SCAI: variants seen among roughly 807,000 people sequenced by gnomAD.
SCAI encodes the protein protein SCAI.
SCAI carries 24 observed loss-of-function variants against 92.2 expected under a neutral mutation model. The ratio of observed to expected loss-of-function variants is 0.26; its 90% confidence interval spans 0.19 to 0.37. The LOEUF (loss-of-function observed/expected upper bound fraction) is 0.37, where lower values mean the gene tolerates loss of function less well. Among genes scored for constraint, SCAI ranks in the 10% least tolerant of loss-of-function variants. The pLI is 1.00. For synonymous variants in SCAI, 261 were observed against 258.6 expected, an observed-to-expected ratio of 1.01 and a Z score of -0.09; for missense variants, 450 against 736.2, an observed-to-expected ratio of 0.61 and a Z score of 4.50.
chr9:125,115,646 C>G (rs1460034863), intron 2 of SCAI, among the ~76,000 whole-genome samples: 1 of 151,946 alleles, frequency 6.6e-6, no homozygotes, highest in Non-Finnish European at 1.5e-5. Context: ...TAAAATTTAA[C>G]AAATCTGAAA....
intron 14 of SCAI, among the ~76,000 whole-genome samples, chr9:124,983,974 A>C (rs1831938557): frequency 6.6e-6 from 1 of 152,258 alleles, no homozygotes; most frequent in Non-Finnish European, 1.5e-5. Context: ...AGAACAGTGC[A>C]TATTGCTAGT....
chr9:125,066,665 G>A (rs1439467156), intron 2 of SCAI, among the ~76,000 whole-genome samples: 2 of 152,060 alleles, frequency 1.3e-5, no homozygotes, highest in Non-Finnish European at 2.9e-5. Flanking sequence ...CTGTTAGCCA[G>A]GATGGTCTCG....
At chr9:125,035,707 T>C (rs1050536818) in intron 3 of SCAI, among the ~76,000 whole-genome samples, 1 of 152,182 alleles carries the variant, frequency 6.6e-6, no homozygotes, top group Non-Finnish European at 1.5e-5. Context: ...GATAATACTA[T>C]CATCTATGAT....
Position 124,970,643 on chromosome 9 carries a change from A to C in SCAI, c.1674+727T>G, listed in dbSNP as rs145252082. Among the ~76,000 whole-genome samples, 45 of 152,058 alleles carry C rather than the reference A, an allele frequency of 3.0e-4. 3 individuals are homozygous for C. In the East Asian group the frequency reaches 8.6e-3, roughly 29 times the overall value. Reference sequence around the variant, plus strand: ...GAGTCTGAGCCAGGAGAATCACTTGAACCCAGGAGGCAGAGGTTGCAGTGA... The same window carrying C: ...GAGTCTGAGCCAGGAGAATCACTTGCACCCAGGAGGCAGAGGTTGCAGTGA... On this transcript the variant is annotated intron_variant, in intron 17 of 17. Transcript: ENST00000336505.
At chr9:125,088,173 A>T (rs1310977998) in intron 2 of SCAI, among the ~76,000 whole-genome samples, 1 of 152,004 alleles carries the variant, frequency 6.6e-6, no homozygotes, top group Non-Finnish European at 1.5e-5. Flanking sequence ...ACAGTTCATG[A>T]CAGCCTCAAA....
chr9:124,987,887 C>A (rs537369478), intron 14 of SCAI, among the ~76,000 whole-genome samples: 11 of 151,854 alleles, frequency 7.2e-5, no homozygotes, highest in Admixed American at 5.9e-4. Context: ...CGCTTGAACC[C>A]GGGAGGCAGA....
intron 2 of SCAI, among the ~76,000 whole-genome samples, chr9:125,084,643 G>A (rs1273418274): frequency 1.3e-5 from 2 of 152,126 alleles, no homozygotes; most frequent in African/African-American, 2.4e-5. Context: ...TTTGCACAAA[G>A]GAACCATATA....
intron 9 of SCAI, among the ~76,000 whole-genome samples, chr9:125,017,024 TAGG>T (rs916354987): frequency 5.9e-5 from 9 of 151,536 alleles, no homozygotes; most frequent in Non-Finnish European, 1.2e-4. Flanking sequence ...AAGACAAGAG[TAGG>T]AGAAGATAGT....
chr9:125,035,249 A>G (rs1833168290), intron 3 of SCAI, among the ~76,000 whole-genome samples: 1 of 152,082 alleles, frequency 6.6e-6, no homozygotes, highest in African/African-American at 2.4e-5. Flanking sequence ...CCAGCTACTC[A>G]GAGTCTGAGG....
chr9:125,106,122 AATATATATATATATATATATATAT>A (rs1206665762), intron 2 of SCAI, among the ~76,000 whole-genome samples: 1 of 8,858 alleles, frequency 1.1e-4, no homozygotes, highest in Non-Finnish European at 2.7e-4. Flanking sequence ...AAAAAAAAAA[AATATATATATATATATATATATAT>A]ATATATATAG....
intron 17 of SCAI, among the ~76,000 whole-genome samples, chr9:124,959,700 A>G (rs1481177551): frequency 3.0e-5 from 1 of 33,680 alleles, no homozygotes; most frequent in African/African-American, 1.2e-4. Context: ...CCCACCCCAC[A>G]ATAGGCCCCG....
intron 2 of SCAI, among the ~76,000 whole-genome samples, chr9:125,106,116 AAAAAAAATATATATATATATATAT>A (rs1834778791): frequency 2.7e-5 from 1 of 37,482 alleles, no homozygotes; most frequent in Non-Finnish European, 5.7e-5. Context: ...AAAAAAAAAA[AAAAAAAATATATATATATATATAT>A]ATATATATAT....
At chr9:125,128,392 G>T (rs902225669) in intron 2 of SCAI, among the ~76,000 whole-genome samples, 1 of 152,030 alleles carries the variant, frequency 6.6e-6, no homozygotes, top group African/African-American at 2.4e-5. Context: ...AGCTGAGGCA[G>T]GTGGATCACC....
At chr9:125,013,265 A>G (rs1832676110) in intron 9 of SCAI, among the ~76,000 whole-genome samples, 1 of 152,116 alleles carries the variant, frequency 6.6e-6, no homozygotes, top group South Asian at 2.1e-4. Flanking sequence ...AGGATCAACA[A>G]AATTGATAGA....
At chr9:124,974,145 T>C (rs1345878966) in intron 15 of SCAI, 1 of 402,820 alleles carries the variant, frequency 2.5e-6, no homozygotes, top group Non-Finnish European at 4.9e-6. Context: ...TGTCAGGTCA[T>C]AGTGCTATCT....
At chr9:125,015,301 T>A (rs1311819421) in intron 9 of SCAI, among the ~76,000 whole-genome samples, 2 of 151,856 alleles carry the variant, frequency 1.3e-5, no homozygotes, top group Non-Finnish European at 2.9e-5. Context: ...AGGGCTAATA[T>A]CCAGAATCTA....
chr9:124,972,290 C>T (rs114014274), intron 15 of SCAI, among the ~76,000 whole-genome samples: 163 of 152,294 alleles, frequency 1.1e-3, no homozygotes, highest in African/African-American at 3.9e-3. Flanking sequence ...ACTGCTCTCA[C>T]TCCCATGATT....
At chr9:125,096,810 CAT>C (rs1834562443) in intron 2 of SCAI, among the ~76,000 whole-genome samples, 1 of 152,220 alleles carries the variant, frequency 6.6e-6, no homozygotes, top group Non-Finnish European at 1.5e-5. Flanking sequence ...CATAATCAAA[CAT>C]GTGGTTCTCT....
chr9:125,121,766 T>C (rs147419148), intron 2 of SCAI, among the ~76,000 whole-genome samples: 1,921 of 152,108 alleles, frequency 0.013, 41 homozygotes, highest in African/African-American at 0.044. Context: ...GGCATGAGAA[T>C]TGCTTGAACC....
Sources: gnomAD v4.1 joint callset for allele counts (sites outside exome capture counted in the v4.1 genomes callset) on GRCh38, gnomAD v4.1.1 for gene constraint, MANE v1.5 for transcripts, NCBI Gene and HGNC (gene_info 2026-07-23, HGNC 2026-07-21) for gene names.